The following CHRM5 variants were observed in gnomAD, a reference collection of about 807,000 sequenced individuals.
CHRM5 encodes cholinergic receptor muscarinic 5, also known as muscarinic acetylcholine receptor M5.
Under a neutral mutation model 39.0 loss-of-function variants are expected in CHRM5, and 18 were observed. The ratio of observed to expected loss-of-function variants is 0.46; its 90% CI spans 0.32 to 0.68. CHRM5 has a LOEUF of 0.68. Ranked by LOEUF, CHRM5 falls within the 30% of genes least tolerant of loss-of-function variation. The pLI, the probability that CHRM5 is intolerant of heterozygous loss-of-function variation, is 0.04. For missense variants in CHRM5, 515 were observed against 651.1 expected, an observed-to-expected ratio of 0.79 and a Z score of 2.28; for synonymous variants, 241 against 246.3, an observed-to-expected ratio of 0.98 and a Z score of 0.20.
rs899007900 is a variant in CHRM5 at position 34,030,385 on chromosome 15, G to A, written c.-407-16155G>A. Among the ~76,000 whole-genome samples the A allele has an allele frequency of 2.5e-4, 38 of 152,056 alleles. 1 individual carries two copies. Among genetic ancestry groups the A allele is most frequent in the South Asian group, 1.5e-3 (7 of 4,808 alleles). On this transcript the variant is annotated intron_variant, in intron 1 of 2. Coordinates refer to ENST00000383263, the MANE Select transcript of CHRM5 (RefSeq NM_012125.4). ...GTTTGAGACGGAGTCTTGCTCTGTC[G>A]CCCAGGCTGGAGTGCAGTGGCGCAA...
At chr15:33,971,247 T>C (rs1326456601) in intron 1 of CHRM5, among the ~76,000 whole-genome samples, 1 of 152,094 alleles carries the variant, frequency 6.6e-6, no homozygotes, top group Non-Finnish European at 1.5e-5. Flanking sequence ...ATGACCTGCC[T>C]ACTTGTTTCT....
At chr15:34,014,945 G>A (rs1350014436) in intron 1 of CHRM5, among the ~76,000 whole-genome samples, 12 of 152,160 alleles carry the variant, frequency 7.9e-5, no homozygotes, top group African/African-American at 2.9e-4. Flanking sequence ...GTCAGATACA[G>A]GGGGTGAGGG....
chr15:34,027,424 G>A (rs1898533791), intron 1 of CHRM5, among the ~76,000 whole-genome samples: 2 of 151,916 alleles, frequency 1.3e-5, no homozygotes, highest in Admixed American at 1.3e-4. Flanking sequence ...AGCTACACAG[G>A]AGGCTGAGGC....
intron 1 of CHRM5, among the ~76,000 whole-genome samples, chr15:34,017,036 T>A (rs987111600): frequency 2.7e-5 from 4 of 148,816 alleles, no homozygotes; most frequent in South Asian, 2.1e-4. Context: ...GAGGCTGAGG[T>A]GGGAGGATCA....
intron 1 of CHRM5, among the ~76,000 whole-genome samples, chr15:34,016,582 A>T (rs946486128): frequency 1.3e-5 from 2 of 152,210 alleles, no homozygotes; most frequent in Non-Finnish European, 2.9e-5. Context: ...ATCTTTAAAA[A>T]ATATTACCAA....
At chr15:34,020,037 C>T (rs540941034) in intron 1 of CHRM5, among the ~76,000 whole-genome samples, 2 of 152,264 alleles carry the variant, frequency 1.3e-5, no homozygotes, top group East Asian at 1.9e-4. Flanking sequence ...TTAGGCTGGG[C>T]GCAGTGGTTC....
At chr15:34,038,906 TCCGTCCCCGCCG>T (rs1434995879) in intron 1 of CHRM5, 29 of 1,116,460 alleles carry the variant, frequency 2.6e-5, no homozygotes, top group Non-Finnish European at 3.1e-5. Context: ...GGCGTCCGCC[TCCGTCCCCGCCG>T]CCGCCTCCGC....
chr15:34,026,492 GA>G (rs1218110452), intron 1 of CHRM5, among the ~76,000 whole-genome samples: 3 of 152,132 alleles, frequency 2.0e-5, no homozygotes, highest in Admixed American at 2.0e-4. Context: ...TGGAATTGAA[GA>G]AATCATATAA....
chr15:34,017,492 T>TTG (rs1030088311), intron 1 of CHRM5, among the ~76,000 whole-genome samples: 12 of 92,248 alleles, frequency 1.3e-4, no homozygotes, highest in Admixed American at 5.0e-4. Context: ...TTGTTTTTTT[T>TTG]TTTTTTTTGA....
chr15:34,018,578 AC>A (rs1318627678), intron 1 of CHRM5: 5 of 152,466 alleles, frequency 3.3e-5, no homozygotes, highest in African/African-American at 1.2e-4. Context: ...GGTGAGTGTT[AC>A]AGCTCATAAA....
chr15:34,051,757 T>C (rs1400046726), intron 2 of CHRM5, among the ~76,000 whole-genome samples: 1 of 152,090 alleles, frequency 6.6e-6, no homozygotes, highest in Non-Finnish European at 1.5e-5. Context: ...GGATAAATCC[T>C]GAACACATAC....
intron 1 of CHRM5, among the ~76,000 whole-genome samples, chr15:34,009,387 T>C (rs1175329996): frequency 6.6e-6 from 1 of 152,210 alleles, no homozygotes; most frequent in African/African-American, 2.4e-5. Flanking sequence ...ATATTTCTTC[T>C]CTTGTCTTCC....
At chr15:33,992,293 G>T (rs1270364003) in intron 1 of CHRM5, among the ~76,000 whole-genome samples, 2 of 152,204 alleles carry the variant, frequency 1.3e-5, no homozygotes, top group Non-Finnish European at 2.9e-5. Flanking sequence ...GGGAGGCTGA[G>T]GGAGGAGAAT....
At chr15:33,993,208 GAAGGT>G (rs1230313729) in intron 1 of CHRM5, among the ~76,000 whole-genome samples, 5 of 152,170 alleles carry the variant, frequency 3.3e-5, no homozygotes, top group African/African-American at 1.2e-4. Context: ...TTTTACGTTT[GAAGGT>G]AAGAGTGGGG....
At chr15:34,009,220 A>C (rs560091778) in intron 1 of CHRM5, among the ~76,000 whole-genome samples, 1 of 152,348 alleles carries the variant, frequency 6.6e-6, no homozygotes, top group African/African-American at 2.4e-5. Flanking sequence ...AAAACGTAAG[A>C]AAATTTGCTC....
At chr15:33,986,638 T>C (rs1348543250) in intron 1 of CHRM5, among the ~76,000 whole-genome samples, 1 of 111,620 alleles carries the variant, frequency 9.0e-6, no homozygotes, top group Non-Finnish European at 2.2e-5. Context: ...ATCATGACCA[T>C]AAGGCTCTAT....
intron 1 of CHRM5, among the ~76,000 whole-genome samples, chr15:33,989,440 G>T (rs1313980342): frequency 3.5e-5 from 5 of 142,370 alleles, no homozygotes; most frequent in Admixed American, 1.4e-4. Flanking sequence ...AGCTGGTTTT[G>T]TTTGGAGTTT....
chr15:34,050,012 C>T (rs537548961), intron 2 of CHRM5, among the ~76,000 whole-genome samples: 11 of 152,040 alleles, frequency 7.2e-5, no homozygotes, highest in Middle Eastern at 3.4e-3. Context: ...CTCAGCCTCC[C>T]GAGTAGCTGG....
chr15:33,988,485 A>C (rs1896577134), intron 1 of CHRM5, among the ~76,000 whole-genome samples: 2 of 152,212 alleles, frequency 1.3e-5, no homozygotes, highest in Admixed American at 6.5e-5. Context: ...GAAATAGAGA[A>C]TGTGCCCGTG....
Sources: gnomAD v4.1 joint callset for allele counts (sites outside exome capture counted in the v4.1 genomes callset) on GRCh38, gnomAD v4.1.1 for gene constraint, MANE v1.5 for transcripts, NCBI Gene and HGNC (gene_info 2026-07-23, HGNC 2026-07-21) for gene names.